Variants in HTR7 observed in about 807,000 individuals in gnomAD.
The protein encoded by HTR7 is 5-HT-7.
A neutral mutation model predicts 34.0 loss-of-function variants in HTR7; 16 were observed. That is an observed-to-expected ratio of 0.47 (90% CI 0.32 to 0.71). HTR7 has a LOEUF of 0.71. Among genes scored for constraint, HTR7 ranks in the 30% least tolerant of loss-of-function variants. HTR7 has a pLI of 0.04. For missense variants in HTR7, 504 were observed against 625.5 expected (o/e 0.81, Z 2.07); for synonymous variants, 265 against 260.2 (o/e 1.02, Z -0.18).
intron 1 of HTR7, among the ~76,000 whole-genome samples, chr10:90,795,737 C>A (rs1410798915): frequency 6.6e-6 from 1 of 152,114 alleles, no homozygotes; most frequent in Non-Finnish European, 1.5e-5. Context: ...TGGGGTACAG[C>A]TTGCCTTTAT....
intron 1 of HTR7, among the ~76,000 whole-genome samples, chr10:90,853,596 C>T (rs1389492170): frequency 6.6e-6 from 1 of 151,902 alleles, no homozygotes; most frequent in African/African-American, 2.4e-5. Context: ...TGAGTCACCA[C>T]ATCTGGCTGG....
At chr10:90,798,588 T>C (rs1845576324) in intron 1 of HTR7, among the ~76,000 whole-genome samples, 1 of 152,150 alleles carries the variant, frequency 6.6e-6, no homozygotes, top group African/African-American at 2.4e-5. Context: ...TGGTGGCACA[T>C]GCCTGAGTCC....
chr10:90,830,659 G>A (rs933262201), intron 1 of HTR7, among the ~76,000 whole-genome samples: 9 of 152,004 alleles, frequency 5.9e-5, no homozygotes, highest in East Asian at 1.9e-4. Context: ...GTGGTGGTGC[G>A]TGCTTGTAGT....
At chr10:90,806,733 A>G (rs1234682240) in intron 1 of HTR7, among the ~76,000 whole-genome samples, 1 of 152,218 alleles carries the variant, frequency 6.6e-6, no homozygotes, top group Admixed American at 6.5e-5. Context: ...AGGAAATGCA[A>G]ACTAATAAGG....
intron 3 of HTR7, 52 bp from the exon 4 acceptor site, chr10:90,742,580 TGA>T: frequency 7.7e-7 from 1 of 1,304,014 alleles, no homozygotes; most frequent in Non-Finnish European, 1.1e-6. Context: ...ACTGTAAATG[TGA>T]GTTTTCATTT....
chr10:90,763,089 T>G (rs1250930267), intron 1 of HTR7, among the ~76,000 whole-genome samples: 2 of 152,198 alleles, frequency 1.3e-5, no homozygotes, highest in African/African-American at 4.8e-5. Context: ...GCTTTATTCT[T>G]CTTTCTCATG....
intron 1 of HTR7, among the ~76,000 whole-genome samples, chr10:90,856,755 ATTAT>A (rs1846586490): frequency 6.6e-6 from 1 of 152,096 alleles, no homozygotes; most frequent in Non-Finnish European, 1.5e-5. Flanking sequence ...ACTTATTATT[ATTAT>A]TTTTTAATGA....
chr10:90,839,984 G>A (rs1222659162), intron 1 of HTR7, among the ~76,000 whole-genome samples: 1 of 151,594 alleles, frequency 6.6e-6, no homozygotes, highest in African/African-American at 2.4e-5. Flanking sequence ...TGTTAAGGAT[G>A]GGAATGTGTC....
At chr10:90,842,935 C>T (rs1846352372) in intron 1 of HTR7, among the ~76,000 whole-genome samples, 2 of 152,080 alleles carry the variant, frequency 1.3e-5, no homozygotes, top group Admixed American at 6.5e-5. Flanking sequence ...GGGACTGTCC[C>T]ACTGCCTCTA....
chr10:90,775,701 A>G (rs1442170258), intron 1 of HTR7, among the ~76,000 whole-genome samples: 1 of 152,216 alleles, frequency 6.6e-6, no homozygotes, highest in Non-Finnish European at 1.5e-5. Context: ...AACAGACTCT[A>G]TAGAGACAAA....
intron 1 of HTR7, among the ~76,000 whole-genome samples, chr10:90,849,101 T>C (rs939124648): frequency 6.6e-6 from 1 of 152,236 alleles, no homozygotes; most frequent in Non-Finnish European, 1.5e-5. Context: ...TATTTCAAGT[T>C]TTAAGGTTTC....
chr10:90,836,785 C>A (rs963305245), intron 1 of HTR7, among the ~76,000 whole-genome samples: 1 of 152,064 alleles, frequency 6.6e-6, no homozygotes, highest in African/African-American at 2.4e-5. Flanking sequence ...GCTGTGATCA[C>A]AGGCATGAGC....
intron 1 of HTR7, among the ~76,000 whole-genome samples, chr10:90,758,995 C>T (rs1464025340): frequency 1.3e-5 from 2 of 151,568 alleles, no homozygotes; most frequent in East Asian, 3.9e-4. Context: ...GGAGACCAGC[C>T]TGACCAACAT....
At chr10:90,758,317 C>T (rs1268995170) in intron 1 of HTR7, among the ~76,000 whole-genome samples, 6 of 95,690 alleles carry the variant, frequency 6.3e-5, no homozygotes, top group African/African-American at 2.5e-4. Flanking sequence ...TGCACTCCAG[C>T]CTGGGCGACA....
intron 1 of HTR7, among the ~76,000 whole-genome samples, chr10:90,805,483 CTTAAAG>C (rs939292042): frequency 2.6e-4 from 39 of 152,204 alleles, no homozygotes; most frequent in Non-Finnish European, 4.6e-4. Context: ...AAGACAGTGT[CTTAAAG>C]TTAACATAAC....
In HTR7 at chr10:90,844,725, T is replaced by TAAAAAAAAAAAAAA. The variant is rs1564701422; in HGVS notation, c.539+12407_539+12408insTTTTTTTTTTTTTT. Among the ~76,000 whole-genome samples the TAAAAAAAAAAAAAA allele has an allele frequency of 1.1e-4, 3 of 27,784 alleles. 1 individual carries two copies. Among genetic ancestry groups the TAAAAAAAAAAAAAA allele is most frequent in the South Asian group, 2.7e-3 (2 of 746 alleles). 18.2% of individuals were successfully genotyped at this position (27,784 alleles called of 152,430 possible). ...CTGGGCAACAGAATGAGACTCCGTC[T>TAAAAAAAAAAAAAA]CAAAAAAAAAAAAAAAAAAAAAAAA... On this transcript the variant is annotated intron_variant, in intron 1 of 3. Coordinates refer to ENST00000336152, the MANE Select transcript of HTR7 (RefSeq NM_019859.4).
intron 1 of HTR7, among the ~76,000 whole-genome samples, chr10:90,757,557 T>C (rs1844853601): frequency 6.6e-6 from 1 of 151,894 alleles, no homozygotes; most frequent in Admixed American, 6.6e-5. Flanking sequence ...TCCCTTCCTT[T>C]CCCCGCAACC....
Position 90,812,688 on chromosome 10 carries a change from G to A in HTR7, c.539+44445C>T, listed in dbSNP as rs199919554. 7.3e-4 allele frequency among the ~76,000 whole-genome samples: 111 copies of A among 152,112 alleles called. 5 individuals carry two copies. The East Asian group carries it at 0.021, about 28-fold the overall frequency. Reference sequence around the variant, plus strand: ...TTCCCAAGCCACCCCAATCCTGCTCGAAGCAGCCCTGAGAAACATCGCCCA... The same window carrying A: ...TTCCCAAGCCACCCCAATCCTGCTCAAAGCAGCCCTGAGAAACATCGCCCA... On this transcript the variant is annotated intron_variant, in intron 1 of 3. Transcript: ENST00000336152.
At chr10:90,831,437 C>T (rs1846174727) in intron 1 of HTR7, among the ~76,000 whole-genome samples, 1 of 152,108 alleles carries the variant, frequency 6.6e-6, no homozygotes, top group African/African-American at 2.4e-5. Context: ...TCGGTGACTT[C>T]AGGAGTGAAG....
Sources: gnomAD v4.1 joint callset for allele counts (sites outside exome capture counted in the v4.1 genomes callset) on GRCh38, gnomAD v4.1.1 for gene constraint, MANE v1.5 for transcripts, NCBI Gene and HGNC (gene_info 2026-07-23, HGNC 2026-07-21) for gene names.